SCAI: variants seen among roughly 807,000 people sequenced by gnomAD.
SCAI encodes the protein protein SCAI.
SCAI carries 24 observed loss-of-function variants against 92.2 expected under a neutral mutation model. The observed-to-expected ratio is 0.26, with a 90% CI of 0.19 to 0.37. The LOEUF (loss-of-function observed/expected upper bound fraction) is 0.37. Ranked by LOEUF, SCAI falls within the 10% of genes least tolerant of loss-of-function variation. The pLI is 1.00. For missense variants in SCAI, 450 were observed against 736.2 expected (o/e 0.61, Z 4.50); for synonymous variants, 261 against 258.6 (o/e 1.01, Z -0.09).
intron 2 of SCAI, among the ~76,000 whole-genome samples, chr9:125,090,140 T>C (rs530741112): frequency 1.2e-3 from 182 of 152,318 alleles, no homozygotes; most frequent in Middle Eastern, 3.4e-3. Context: ...TTCAGCACAA[T>C]AGTATACATA....
At chr9:125,029,787 T>G (rs1450562980) in intron 3 of SCAI, 48 bp from the exon 4 acceptor site, 1 of 1,107,432 alleles carries the variant, frequency 9.0e-7, no homozygotes, top group South Asian at 1.6e-5. Context: ...CTTATTCTAT[T>G]TGGAAATTAT....
In SCAI at chr9:125,056,001, T is replaced by G; in HGVS notation, c.105A>C (p.Glu35Asp). ...AGGACATGATTTCTTTAAGAGCAAA[T>G]TCAGTCCTGTAAGAAAACATATGTT... ...KPPRKRRSRT[E>D]FALKEIMSSG... The change falls in exon 3 of 18, where the codon GAA becomes GAC. Residue 35 changes from glutamate (E) to aspartate (D), a missense_variant. This residue lies in a region of SCAI where 70 missense variants were observed against 66.3 expected (regional missense o/e 1.06). Transcript: ENST00000336505. 5.6e-6 allele frequency: 9 copies of G among 1,603,820 alleles called. No individual in the cohort carries two copies. The highest frequency in any genetic ancestry group is 7.7e-6 in the Non-Finnish European group (9 of 1,174,900).
At position 124,944,075 on chromosome 9, in the gene SCAI, C is replaced by G. The variant is rs1186125723; in HGVS notation, c.*8732G>C. 6.6e-6 allele frequency: 1 copy of G among 152,126 alleles called. No individual in the cohort carries two copies. Among genetic ancestry groups the G allele is most frequent in the Non-Finnish European group, 1.5e-5 (1 of 68,018 alleles). 9.4% of individuals were successfully genotyped at this position (152,126 alleles called of 1,614,324 possible). ...CTCAACTGGAAGAATCATCCAAAAT[C>G]TAAAGGTTTCTCTGATTGTTGAACA... is the stretch of plus-strand genomic sequence containing the variant. On this transcript the variant is annotated 3_prime_UTR_variant, in exon 18 of 18. Coordinates refer to ENST00000336505, the MANE Select transcript of SCAI (RefSeq NM_001144877.3).
chr9:125,128,709 T>G (rs912250084), intron 2 of SCAI, among the ~76,000 whole-genome samples: 3 of 150,244 alleles, frequency 2.0e-5, no homozygotes, highest in Non-Finnish European at 1.5e-5. Flanking sequence ...GCCGAGATTG[T>G]GCCACTGCAC....
intron 14 of SCAI, among the ~76,000 whole-genome samples, chr9:124,984,752 A>C (rs1831954644): frequency 2.0e-5 from 3 of 152,220 alleles, no homozygotes; most frequent in Non-Finnish European, 4.4e-5. Flanking sequence ...GAGTAGGTAG[A>C]TAATATTCAA....
chr9:124,966,419 T>G (rs1249934924), intron 17 of SCAI, among the ~76,000 whole-genome samples: 5 of 152,128 alleles, frequency 3.3e-5, no homozygotes, highest in Non-Finnish European at 2.9e-5. Flanking sequence ...CAGCAAACTA[T>G]CACAAGGACA....
At chr9:125,104,825 G>A (rs866820436) in intron 2 of SCAI, among the ~76,000 whole-genome samples, 19 of 152,240 alleles carry the variant, frequency 1.2e-4, no homozygotes, top group Middle Eastern at 6.8e-3. Context: ...AGGCATGGCA[G>A]TGGGCACCTG....
chr9:125,079,772 A>C (rs7042973), intron 2 of SCAI, among the ~76,000 whole-genome samples: 20,145 of 152,010 alleles, frequency 0.13, 1,429 homozygotes, highest in East Asian at 0.23. Context: ...TAAAAAAAAA[A>C]ACTGGTATTT....
At chr9:125,080,290 A>T (rs1300562383) in intron 2 of SCAI, among the ~76,000 whole-genome samples, 1 of 152,198 alleles carries the variant, frequency 6.6e-6, no homozygotes, top group Non-Finnish European at 1.5e-5. Context: ...TTAGAAAAAA[A>T]ACCCCAAAGT....
rs1489554903 is a variant in SCAI at position 124,951,281 on chromosome 9, C to G, written c.*1526G>C. 6.6e-6 allele frequency: 1 copy of G among 151,652 alleles called. No homozygotes were observed. Among genetic ancestry groups the G allele is most frequent in the Non-Finnish European group, 1.5e-5 (1 of 67,940 alleles). The allele number at this position is 151,652 out of a possible 1,614,324, so 9.4% of individuals were successfully genotyped here. On this transcript the variant is annotated 3_prime_UTR_variant, in exon 18 of 18. Transcript: ENST00000336505. ...CAGCACTTTGGGAGGCTGAGGCAGG[C>G]AGATCACAAGGTCAGGAGTTTGAGA...
At chr9:125,007,427 T>G (rs1297812638) in intron 9 of SCAI, among the ~76,000 whole-genome samples, 1 of 152,132 alleles carries the variant, frequency 6.6e-6, no homozygotes, top group Non-Finnish European at 1.5e-5. Flanking sequence ...CCGTGGTTCA[T>G]GCCTATAATC....
Position 125,109,598 on chromosome 9 carries a change from G to A in SCAI, c.98+33035C>T, listed in dbSNP as rs1483841544. On this transcript the variant is annotated intron_variant, in intron 2 of 17. Coordinates refer to ENST00000336505, the MANE Select transcript of SCAI (RefSeq NM_001144877.3). ...TACTACAGAAGTAAAATGTGTTATT[G>A]ACTGACAAAGCCCAAATGAACTACT... 2.6e-5 allele frequency among the ~76,000 whole-genome samples: 4 copies of A among 152,112 alleles called. No homozygotes were observed. In the East Asian group the frequency reaches 7.7e-4, roughly 29 times the overall value.
At chr9:125,041,287 A>G (rs561329836) in intron 3 of SCAI, among the ~76,000 whole-genome samples, 2 of 152,238 alleles carry the variant, frequency 1.3e-5, no homozygotes, top group South Asian at 4.2e-4. Flanking sequence ...ATCTCTAATG[A>G]GAGGTTACAT....
chr9:125,021,902 T>A (rs1332398925), intron 6 of SCAI, among the ~76,000 whole-genome samples: 5 of 152,174 alleles, frequency 3.3e-5, no homozygotes, highest in South Asian at 2.1e-4. Flanking sequence ...CTGATTTTTT[T>A]AAATTATGTT....
chr9:124,995,081 G>T (rs1447417876), intron 13 of SCAI, 66 bp from the exon 14 acceptor site: 1 of 1,231,730 alleles, frequency 8.1e-7, no homozygotes, highest in Non-Finnish European at 1.2e-6. Context: ...TTATTCTTCA[G>T]TTTGGTCTGC....
intron 6 of SCAI, 118 bp downstream of exon 6, chr9:125,026,694 A>G (rs555639501): frequency 8.7e-6 from 5 of 571,616 alleles, no homozygotes; most frequent in Non-Finnish European, 1.5e-5. Flanking sequence ...GCAGGCACTC[A>G]ATAAAGCCTG....
At chr9:125,125,135 C>A (rs748953500) in intron 2 of SCAI, among the ~76,000 whole-genome samples, 83 of 152,210 alleles carry the variant, frequency 5.5e-4, no homozygotes, top group Non-Finnish European at 8.8e-4. Flanking sequence ...GCAGGAGAAT[C>A]GCTTAAATCC....
intron 15 of SCAI, among the ~76,000 whole-genome samples, chr9:124,972,175 C>T (rs966085654): frequency 2.0e-5 from 3 of 152,172 alleles, no homozygotes; most frequent in Admixed American, 1.3e-4. Flanking sequence ...GTGCTACAAA[C>T]GCCAGTCTTT....
chr9:125,090,672 C>G (rs1834412587), intron 2 of SCAI, among the ~76,000 whole-genome samples: 1 of 152,172 alleles, frequency 6.6e-6, no homozygotes, highest in Non-Finnish European at 1.5e-5. Context: ...CACTCCTATA[C>G]TCCATTCTTG....
Sources: allele counts gnomAD v4.1 joint callset (sites outside exome capture counted in the v4.1 genomes callset), GRCh38; gene constraint gnomAD v4.1.1; regional missense constraint gnomAD v4.1.1; transcripts MANE v1.5; gene names NCBI Gene and HGNC (gene_info 2026-07-23, HGNC 2026-07-21).